Variants in RABGAP1L observed in about 807,000 individuals in gnomAD.
RABGAP1L encodes RAB GTPase activating protein 1 like, also known as rab GTPase-activating protein 1-like.
In RABGAP1L, 63 loss-of-function variants were observed where a neutral mutation model predicts 137.7. The ratio of observed to expected loss-of-function variants is 0.46; its 90% CI spans 0.37 to 0.56. RABGAP1L has a LOEUF of 0.56. RABGAP1L is among the 20% of genes least tolerant of loss of function. RABGAP1L has a pLI of 0.00. For synonymous variants in RABGAP1L, 431 were observed against 433.7 expected, an observed-to-expected ratio of 0.99 and a Z score of 0.08; for missense variants, 1,095 against 1,244.0, an observed-to-expected ratio of 0.88 and a Z score of 1.80.
intron 19 of RABGAP1L, among the ~76,000 whole-genome samples, chr1:174,951,214 C>G (rs1277322151): frequency 6.6e-6 from 1 of 152,200 alleles, no homozygotes. Flanking sequence ...ATATTTGGCA[C>G]TACGTCTAGA....
rs190625091 is a variant in RABGAP1L at position 174,701,257 on chromosome 1, A to T, written c.2026-856A>T. Reference sequence around the variant, plus strand: ...TACCATAAAGGCATTTTTAGAAGATATCCAATTTTATATATTATACCTTTG... The same window carrying T: ...TACCATAAAGGCATTTTTAGAAGATTTCCAATTTTATATATTATACCTTTG... On this transcript the variant is annotated intron_variant, in intron 16 of 25. Coordinates refer to ENST00000681986, the MANE Select transcript of RABGAP1L (RefSeq NM_001366446.1). 9 of 1,234,098 alleles carry T rather than the reference A, an allele frequency of 7.3e-6. No individual in the cohort carries two copies. In the Admixed American group the frequency reaches 2.8e-4, roughly 39 times the overall value. The allele number at this position is 1,234,098 out of a possible 1,614,324, so 76.4% of individuals were successfully genotyped here.
At chr1:174,261,188 A>G (rs1219128495) in intron 7 of RABGAP1L, among the ~76,000 whole-genome samples, 3 of 152,164 alleles carry the variant, frequency 2.0e-5, no homozygotes, top group Admixed American at 1.3e-4. Flanking sequence ...TAGAGTTGTT[A>G]TAAGCACACA....
intron 11 of RABGAP1L, among the ~76,000 whole-genome samples, chr1:174,364,002 G>A (rs1684368774): frequency 6.6e-6 from 1 of 151,654 alleles, no homozygotes; most frequent in Non-Finnish European, 1.5e-5. Context: ...TTGGCCTACA[G>A]TTTCCCTTTT....
chr1:174,901,269 T>C (rs1329292643), intron 19 of RABGAP1L, among the ~76,000 whole-genome samples: 2 of 152,208 alleles, frequency 1.3e-5, no homozygotes, highest in African/African-American at 4.8e-5. Context: ...AATAAAGACA[T>C]ACTCGAGACT....
At chr1:174,979,679 T>C (rs1371101003) in intron 23 of RABGAP1L, among the ~76,000 whole-genome samples, 1 of 152,248 alleles carries the variant, frequency 6.6e-6, no homozygotes, top group Non-Finnish European at 1.5e-5. Context: ...AGCAGGAAGC[T>C]TTCTATTGTG....
chr1:174,924,997 C>T (rs191130160), intron 19 of RABGAP1L, among the ~76,000 whole-genome samples: 1 of 152,138 alleles, frequency 6.6e-6, no homozygotes, highest in East Asian at 1.9e-4. Context: ...GGTACATTTG[C>T]GCAAGGACTT....
At chr1:174,618,516 A>G (rs1056943649) in intron 13 of RABGAP1L, among the ~76,000 whole-genome samples, 1 of 152,230 alleles carries the variant, frequency 6.6e-6, no homozygotes, top group African/African-American at 2.4e-5. Context: ...ACCACTGCTG[A>G]TACCCAGGCA....
At chr1:174,881,065 C>T (rs904755793) in intron 19 of RABGAP1L, among the ~76,000 whole-genome samples, 1 of 151,940 alleles carries the variant, frequency 6.6e-6, no homozygotes, top group South Asian at 2.1e-4. Flanking sequence ...AAGTATAGGA[C>T]GTTGTGTGTT....
intron 13 of RABGAP1L, among the ~76,000 whole-genome samples, chr1:174,412,631 A>C (rs1239405448): frequency 6.6e-6 from 1 of 152,058 alleles, no homozygotes; most frequent in Non-Finnish European, 1.5e-5. Context: ...GAAATATCTT[A>C]AGGATCCCTT....
intron 13 of RABGAP1L, among the ~76,000 whole-genome samples, chr1:174,581,931 A>G (rs934554369): frequency 6.6e-6 from 1 of 152,210 alleles, no homozygotes; most frequent in Non-Finnish European, 1.5e-5. Flanking sequence ...AGGGCTAGAT[A>G]GAGAATGGTG....
chr1:174,383,100 TC>T (rs1215133365), intron 12 of RABGAP1L, among the ~76,000 whole-genome samples: 2 of 150,930 alleles, frequency 1.3e-5, no homozygotes, highest in Non-Finnish European at 3.0e-5. Flanking sequence ...GTTAGGCTGC[TC>T]GGGGGTCAGG....
At chr1:174,180,205 G>A (rs1399966075) in intron 1 of RABGAP1L, among the ~76,000 whole-genome samples, 2 of 152,188 alleles carry the variant, frequency 1.3e-5, no homozygotes, top group African/African-American at 4.8e-5. Flanking sequence ...CACAGGATTT[G>A]GAGTGGCAGA....
At chr1:174,504,799 A>C (rs1397373239) in intron 13 of RABGAP1L, among the ~76,000 whole-genome samples, 1 of 152,206 alleles carries the variant, frequency 6.6e-6, no homozygotes, top group Non-Finnish European at 1.5e-5. Context: ...AAGCTCCATG[A>C]CATTGGTCTG....
intron 15 of RABGAP1L, among the ~76,000 whole-genome samples, chr1:174,698,619 A>C (rs1262968329): frequency 2.0e-5 from 3 of 152,192 alleles, no homozygotes; most frequent in African/African-American, 7.2e-5. Flanking sequence ...ATCAATAGGA[A>C]ACTTGTTAAA....
At chr1:174,742,215 A>G (rs929661736) in intron 17 of RABGAP1L, among the ~76,000 whole-genome samples, 2 of 150,710 alleles carry the variant, frequency 1.3e-5, no homozygotes, top group Admixed American at 6.6e-5. Flanking sequence ...GGAGGAGGAA[A>G]GAAGAAGAAG....
At chr1:174,903,394 GA>G (rs1658462680) in intron 19 of RABGAP1L, among the ~76,000 whole-genome samples, 1 of 152,184 alleles carries the variant, frequency 6.6e-6, no homozygotes. Context: ...AATATAAAGA[GA>G]AACTTCTTTT....
chr1:174,540,167 A>G (rs969201598), intron 13 of RABGAP1L, among the ~76,000 whole-genome samples: 2 of 151,994 alleles, frequency 1.3e-5, no homozygotes, highest in South Asian at 2.1e-4. Context: ...AAATTTGTTT[A>G]AGTTCTTTGT....
intron 13 of RABGAP1L, among the ~76,000 whole-genome samples, chr1:174,465,170 A>T (rs549180175): frequency 1.3e-5 from 2 of 152,242 alleles, no homozygotes; most frequent in East Asian, 3.9e-4. Flanking sequence ...TTTCTTTAAC[A>T]CATTGCTAAT....
chr1:174,446,562 A>G (rs553620461), intron 13 of RABGAP1L, among the ~76,000 whole-genome samples: 1 of 152,324 alleles, frequency 6.6e-6, no homozygotes, highest in African/African-American at 2.4e-5. Flanking sequence ...TGACCTTGGA[A>G]GCATTTTGGA....
Sources: allele counts gnomAD v4.1 joint callset (sites outside exome capture counted in the v4.1 genomes callset), GRCh38; gene constraint gnomAD v4.1.1; transcripts MANE v1.5; gene names NCBI Gene and HGNC (gene_info 2026-07-23, HGNC 2026-07-21).